EEFSEC: variants seen among roughly 807,000 people sequenced by gnomAD.
EEFSEC encodes the protein eukaryotic elongation factor, selenocysteine-tRNA specific, also known as selenocysteine-specific elongation factor.
A neutral mutation model predicts 42.1 loss-of-function variants in EEFSEC; 43 were observed. The observed-to-expected ratio is 1.02, with a 90% CI of 0.80 to 1.32. The LOEUF (loss-of-function observed/expected upper bound fraction) is 1.32, where lower values mean the gene tolerates loss of function less well. EEFSEC is among the 40% of genes most tolerant of loss of function. EEFSEC has a pLI of 0.00. For synonymous variants in EEFSEC, 354 were observed against 339.1 expected (o/e 1.04, Z -0.48); for missense variants, 745 against 803.6 (o/e 0.93, Z 0.88).
chr3:128,329,529 C>T (rs2067103518), intron 4 of EEFSEC, among the ~76,000 whole-genome samples: 1 of 152,176 alleles, frequency 6.6e-6, no homozygotes, highest in Admixed American at 6.5e-5. Flanking sequence ...CTGTGGGGGC[C>T]AAGGTGGGCA....
At chr3:128,375,433 A>C (rs551688563) in intron 6 of EEFSEC, among the ~76,000 whole-genome samples, 2 of 152,278 alleles carry the variant, frequency 1.3e-5, no homozygotes, top group East Asian at 3.9e-4. Flanking sequence ...CTATGCTCAG[A>C]AGTTGCCTTG....
chr3:128,303,392 C>G (rs2066792195), intron 4 of EEFSEC, among the ~76,000 whole-genome samples: 1 of 152,172 alleles, frequency 6.6e-6, no homozygotes, highest in African/African-American at 2.4e-5. Flanking sequence ...TAAGGATCAT[C>G]AGTCATTTCA....
chr3:128,389,122 G>C (rs2067877701), intron 6 of EEFSEC, among the ~76,000 whole-genome samples: 3 of 152,242 alleles, frequency 2.0e-5, no homozygotes, highest in Admixed American at 2.0e-4. Context: ...GAGCCATGGG[G>C]ATGGAGGCTG....
chr3:128,323,731 C>G (rs868357503), intron 4 of EEFSEC, among the ~76,000 whole-genome samples: 1 of 152,204 alleles, frequency 6.6e-6, no homozygotes, highest in Non-Finnish European at 1.5e-5. Flanking sequence ...ACTTCCTCCC[C>G]TGAAGGAGCC....
At chr3:128,182,984 C>G (rs1350009018) in intron 1 of EEFSEC, among the ~76,000 whole-genome samples, 1 of 152,014 alleles carries the variant, frequency 6.6e-6, no homozygotes, top group Non-Finnish European at 1.5e-5. Context: ...TTTTTGTATG[C>G]CATAATCTTG....
Position 128,234,654 on chromosome 3 carries a change from C to T in EEFSEC, c.317-12182C>T, listed in dbSNP as rs545515290. ...GCAGACATAACTGGGTGTCTTCTCT[C>T]TGCTACCCTCCCACCCTGCCTTAGG... On this transcript the variant is annotated intron_variant, in intron 1 of 6. Coordinates refer to ENST00000254730, the MANE Select transcript of EEFSEC (RefSeq NM_021937.5). Among the ~76,000 whole-genome samples the T allele has an allele frequency of 5.1e-4, 78 of 152,326 alleles. No homozygotes were observed. In the South Asian group the frequency reaches 0.016, roughly 31 times the overall value.
chr3:128,199,013 G>A (rs1449683995), intron 1 of EEFSEC, among the ~76,000 whole-genome samples: 1 of 152,110 alleles, frequency 6.6e-6, no homozygotes, highest in Non-Finnish European at 1.5e-5. Context: ...TGTATTTTTA[G>A]TAGAGACAGG....
rs371221264 is a variant in EEFSEC at position 128,408,106 on chromosome 3, C to T, written c.1638C>T (p.Pro546=). 5.3e-5 allele frequency: 85 copies of T among 1,602,394 alleles called. No homozygotes were observed. The highest frequency in any genetic ancestry group is 2.7e-4 in the African/African-American group (20 of 74,624). ...LSPESKKILT[P]ALKKRARAGR... is the part of the protein sequence containing the mutation. Reference sequence around the variant, plus strand: ...CCGAGTCCAAGAAGATCCTGACACCCGCCCTCAAGAAGCGGGCCCGGGCTG... The same window carrying T: ...CCGAGTCCAAGAAGATCCTGACACCTGCCCTCAAGAAGCGGGCCCGGGCTG... Residue 546 remains proline (P), a synonymous_variant, in exon 7 of 7, where the codon CCC becomes CCT. Transcript: ENST00000254730.
At chr3:128,249,502 GT>G (rs2066162055) in intron 2 of EEFSEC, among the ~76,000 whole-genome samples, 1 of 152,042 alleles carries the variant, frequency 6.6e-6, no homozygotes. Flanking sequence ...TACATTCACA[GT>G]GCTGTGTACC....
At chr3:128,154,942 C>A (rs542234635) in intron 1 of EEFSEC, among the ~76,000 whole-genome samples, 58 of 152,160 alleles carry the variant, frequency 3.8e-4, no homozygotes, top group Middle Eastern at 6.8e-3. Flanking sequence ...TGCCAAAATG[C>A]CCCACAAAGA....
chr3:128,170,856 A>C (rs2065289134), intron 1 of EEFSEC, among the ~76,000 whole-genome samples: 1 of 152,222 alleles, frequency 6.6e-6, no homozygotes, highest in African/African-American at 2.4e-5. Flanking sequence ...CTTTTCGAGG[A>C]ATGAATATTT....
chr3:128,259,678 C>A (rs929889324), intron 2 of EEFSEC, among the ~76,000 whole-genome samples: 5 of 152,170 alleles, frequency 3.3e-5, no homozygotes, highest in African/African-American at 1.2e-4. Context: ...AGCCTGGGAA[C>A]TACTAATCTC....
chr3:128,389,417 TTGG>T lies in EEFSEC; in HGVS notation c.1601-18650_1601-18648del, dbSNP rs527308149. Reference sequence around the variant, plus strand: ...TCCCAGACAGATTTTCTGTTCAGCCTTGGTTGCCATATGAGGACTCCACCCAGA... The same window carrying T: ...TCCCAGACAGATTTTCTGTTCAGCCTTTGCCATATGAGGACTCCACCCAGA... On this transcript the variant is annotated intron_variant, in intron 6 of 6. Coordinates refer to ENST00000254730, the MANE Select transcript of EEFSEC (RefSeq NM_021937.5). Among the ~76,000 whole-genome samples, 21 of 152,350 alleles carry T rather than the reference TTGG, an allele frequency of 1.4e-4. No homozygotes were observed. In the South Asian group the frequency reaches 1.7e-3, roughly 12 times the overall value.
chr3:128,169,044 C>T (rs1397920008), intron 1 of EEFSEC, among the ~76,000 whole-genome samples: 1 of 152,132 alleles, frequency 6.6e-6, no homozygotes, highest in African/African-American at 2.4e-5. Context: ...CATGTAGCTT[C>T]CTGTCTAGTT....
intron 6 of EEFSEC, among the ~76,000 whole-genome samples, chr3:128,373,488 G>T (rs1351447234): frequency 6.6e-6 from 1 of 152,198 alleles, no homozygotes; most frequent in Non-Finnish European, 1.5e-5. Flanking sequence ...GCCCACACAG[G>T]ATCTAGCCCT....
chr3:128,322,283 C>T (rs1576636183), intron 4 of EEFSEC, among the ~76,000 whole-genome samples: 2 of 152,368 alleles, frequency 1.3e-5, no homozygotes, highest in East Asian at 3.9e-4. Context: ...GCCAGCATGC[C>T]TGCGCCTACT....
intron 1 of EEFSEC, among the ~76,000 whole-genome samples, chr3:128,162,559 T>C (rs2065201231): frequency 6.6e-6 from 1 of 152,200 alleles, no homozygotes; most frequent in African/African-American, 2.4e-5. Flanking sequence ...GATTTTGCTT[T>C]AGCTTGGGTG....
intron 1 of EEFSEC, among the ~76,000 whole-genome samples, chr3:128,232,140 G>A (rs2065965251): frequency 6.6e-6 from 1 of 152,032 alleles, no homozygotes; most frequent in South Asian, 2.1e-4. Flanking sequence ...TAGTATATGA[G>A]GGCAAAGGAT....
chr3:128,420,619 C>A, the EEFSEC span, among the ~76,000 whole-genome samples: 3 of 152,352 alleles, frequency 2.0e-5, no homozygotes, highest in East Asian at 5.8e-4. Context: ...TCCTTGCAGG[C>A]CTCATCAGCT....
Sources: allele counts gnomAD v4.1 joint callset (sites outside exome capture counted in the v4.1 genomes callset), GRCh38; gene constraint gnomAD v4.1.1; transcripts MANE v1.5; gene names NCBI Gene and HGNC (gene_info 2026-07-23, HGNC 2026-07-21).